CEACAM18: variants seen among roughly 807,000 people sequenced by gnomAD.
CEACAM18 encodes CEA cell adhesion molecule 18.
CEACAM18 carries 33 observed loss-of-function variants against 34.3 expected under a neutral mutation model. The observed-to-expected ratio is 0.96, with a 90% confidence interval of 0.73 to 1.29. The LOEUF is 1.29. Ranked by LOEUF, CEACAM18 falls within the 50% of genes most tolerant of loss-of-function variation. CEACAM18 has a pLI of 0.00. For synonymous variants in CEACAM18, 169 were observed against 180.9 expected (o/e 0.93, Z 0.53); for missense variants, 474 against 485.0 (o/e 0.98, Z 0.21).
chr19:51,484,485 G>T (rs1989967973), intron 4 of CEACAM18, among the ~76,000 whole-genome samples: 1 of 152,080 alleles, frequency 6.6e-6, no homozygotes, highest in Non-Finnish European at 1.5e-5. Context: ...GCTAATTTTT[G>T]TATTTTTACA....
chr19:51,478,803 G>A, intron 1 of CEACAM18, 109 bp downstream of exon 1: 1 of 736,032 alleles, frequency 1.4e-6, no homozygotes, highest in Non-Finnish European at 2.0e-6. Flanking sequence ...GGCACATCAA[G>A]AAACTCCCAG....
chr19:51,484,817 C>T lies in CEACAM18; in HGVS notation c.954-170C>T, dbSNP rs1002958480. Among the ~76,000 whole-genome samples the T allele has an allele frequency of 2.6e-5, 4 of 152,298 alleles. No individual in the cohort carries two copies. In the South Asian group the frequency reaches 6.2e-4, roughly 24 times the overall value. ...AGCTAGAATGTCAGGCCCATGGGTACAGGGAGTTTGTTTTGTTGGCTGCTG... is the reference window on the plus strand; with the variant it reads ...AGCTAGAATGTCAGGCCCATGGGTATAGGGAGTTTGTTTTGTTGGCTGCTG... On this transcript the variant is annotated intron_variant, in intron 4 of 5. Coordinates refer to ENST00000396477, the Ensembl canonical transcript of CEACAM18.
chr19:51,490,361 G>C (rs1323330773), intron 5 of CEACAM18, among the ~76,000 whole-genome samples: 1 of 151,956 alleles, frequency 6.6e-6, no homozygotes, highest in Admixed American at 6.6e-5. Flanking sequence ...CCACACAGTG[G>C]CATCTTCCTC....
At chr19:51,479,589 G>A (rs1416978369) in intron 1 of CEACAM18, among the ~76,000 whole-genome samples, 2 of 152,126 alleles carry the variant, frequency 1.3e-5, no homozygotes, top group Non-Finnish European at 2.9e-5. Flanking sequence ...TGGGATGGGG[G>A]GAGCCCAGGA....
At chr19:51,491,133 C>T (rs1256546410), downstream of CEACAM18, among the ~76,000 whole-genome samples, 1 of 152,160 alleles carries the variant, frequency 6.6e-6, no homozygotes, top group Non-Finnish European at 1.5e-5. Context: ...GAACGCAGCC[C>T]CAGTGAGGCT....
chr19:51,483,290 C>T, exon 4 of CEACAM18: 7 of 1,613,808 alleles, frequency 4.3e-6, no homozygotes, highest in Non-Finnish European at 5.9e-6. Context: ...ATCCAGGCCC[C>T]CCATGAGTGC....
intron 4 of CEACAM18, among the ~76,000 whole-genome samples, chr19:51,484,324 T>C (rs981681660): frequency 6.6e-6 from 1 of 151,740 alleles, no homozygotes; most frequent in South Asian, 2.1e-4. Flanking sequence ...GAAGCTTTTT[T>C]TTTTTTTTTA....
At chr19:51,483,944 T>G (rs1989960652) in intron 4 of CEACAM18, among the ~76,000 whole-genome samples, 1 of 152,174 alleles carries the variant, frequency 6.6e-6, no homozygotes, top group Non-Finnish European at 1.5e-5. Flanking sequence ...TCAGGGAGAC[T>G]GCAGAGGAGT....
intron 2 of CEACAM18, among the ~76,000 whole-genome samples, chr19:51,481,137 G>A (rs1299282205): frequency 2.0e-5 from 3 of 152,162 alleles, no homozygotes. Flanking sequence ...ACAATGATTA[G>A]GCCACATGTT....
exon 2 of CEACAM18, chr19:51,480,492 A>G (rs967195034): frequency 1.9e-6 from 3 of 1,613,800 alleles, no homozygotes; most frequent in East Asian, 4.5e-5. Context: ...AGCGCAGGAA[A>G]CATGATTATC....
chr19:51,487,445 G>T (rs1990023931), intron 5 of CEACAM18, among the ~76,000 whole-genome samples: 1 of 152,174 alleles, frequency 6.6e-6, no homozygotes. Context: ...CTGCACTCCA[G>T]CCTGGGCAAC....
exon 4 of CEACAM18, chr19:51,483,058 T>C (rs1455697697): frequency 6.2e-7 from 1 of 1,613,994 alleles, no homozygotes; most frequent in Non-Finnish European, 8.5e-7. Context: ...TCCTGATGAT[T>C]TCAACGGCAT....
chr19:51,483,784 C>T (rs113562696), intron 4 of CEACAM18, among the ~76,000 whole-genome samples: 14 of 152,184 alleles, frequency 9.2e-5, no homozygotes, highest in East Asian at 1.9e-4. Context: ...ATTAGAAAGA[C>T]GCAGGGACGG....
intron 4 of CEACAM18, 120 bp downstream of exon 4, chr19:51,483,416 G>A: frequency 8.1e-7 from 1 of 1,240,766 alleles, no homozygotes; most frequent in Non-Finnish European, 1.1e-6. Context: ...CTCAACCTCT[G>A]GGTGAAATCT....
At chr19:51,483,046 A>C (rs773723577) in exon 4 of CEACAM18, 4 of 1,613,864 alleles carry the variant, frequency 2.5e-6, no homozygotes, top group Non-Finnish European at 3.4e-6. Flanking sequence ...GCTGAGGAGC[A>C]ATCCTGATGA....
rs1397359082 is a variant in CEACAM18, at chr19:51,481,680, C to G, written c.673+15C>G. 6.2e-7 allele frequency: 1 copy of G among 1,603,390 alleles called. No homozygotes were observed. The highest frequency in any genetic ancestry group is 2.2e-5 in the East Asian group (1 of 44,732). On this transcript the variant is annotated intron_variant, in intron 3 of 5. Transcript: ENST00000396477. The stretch of plus-strand genomic sequence containing the variant: ...GACTGTGGCCTGTGAGTGGTCTGGG[C>G]TCCTGGGACTGAAGCCAGGGCTGGT...
At position 51,487,309 on chromosome 19, in the gene CEACAM18, T is replaced by C. The variant is rs1264396807; in HGVS notation, c.1089+2187T>C. Among the ~76,000 whole-genome samples the C allele has an allele frequency of 2.0e-5, 3 of 151,598 alleles. No homozygotes were observed. In the East Asian group the frequency reaches 5.9e-4, roughly 30 times the overall value. ...GGGCAACGTGGTGAAACCTCATCTC[T>C]ACAAAAAATACAAAAGTTAGCCTGG... On this transcript the variant is annotated intron_variant, in intron 5 of 5. Coordinates refer to ENST00000396477, the Ensembl canonical transcript of CEACAM18.
chr19:51,484,593 T>C lies in CEACAM18; in HGVS notation c.954-394T>C, dbSNP rs568950470. 7.4e-5 allele frequency among the ~76,000 whole-genome samples: 8 copies of C among 107,568 alleles called. No individual in the cohort carries two copies. In the East Asian group the frequency reaches 2.0e-3, roughly 26 times the overall value. The allele number at this position is 107,568 out of a possible 152,430, so 70.6% of individuals were successfully genotyped here. The stretch of plus-strand genomic sequence containing the variant: ...TTGGGCGAGCTTTCTGTTTTCCATT[T>C]GTCCTCAGTGCTTGGCACAGTGTGT... On this transcript the variant is annotated intron_variant, in intron 4 of 5. Transcript: ENST00000396477.
Position 51,479,454 on chromosome 19 carries a change from T to A in CEACAM18, c.52+760T>A, listed in dbSNP as rs547045608. Among the ~76,000 whole-genome samples the A allele has an allele frequency of 2.6e-5, 4 of 152,218 alleles. No individual in the cohort carries two copies. The East Asian group carries it at 7.7e-4, about 29-fold the overall frequency. On this transcript the variant is annotated intron_variant, in intron 1 of 5. Transcript: ENST00000396477. ...TACTGAACTCCCCCTGTGTCCAGCCTGTGCTCAGGGGCGCTGGGGACTCAG... is the reference window on the plus strand; with the variant it reads ...TACTGAACTCCCCCTGTGTCCAGCCAGTGCTCAGGGGCGCTGGGGACTCAG...
Sources: gnomAD v4.1 joint callset for allele counts (sites outside exome capture counted in the v4.1 genomes callset) on GRCh38, gnomAD v4.1.1 for gene constraint, MANE v1.5 for transcripts, NCBI Gene and HGNC (gene_info 2026-07-23, HGNC 2026-07-21) for gene names.